NF2: variants seen among roughly 807,000 people sequenced by gnomAD.
NF2 encodes the protein NF2, moesin-ezrin-radixin like (MERLIN) tumor suppressor, also known as merlin.
NF2 carries 8 observed loss-of-function variants against 83.7 expected under a neutral mutation model. The ratio of observed to expected loss-of-function variants is 0.10; its 90% CI spans 0.06 to 0.17. NF2 has a LOEUF of 0.17. Among genes scored for constraint, NF2 ranks in the 10% least tolerant of loss-of-function variants. NF2 has a pLI of 1.00. For synonymous variants in NF2, 266 were observed against 269.6 expected (o/e 0.99, Z 0.13); for missense variants, 533 against 744.4 (o/e 0.72, Z 3.31).
In NF2 at chr22:29,658,402, AAG is replaced by A. The variant is rs2066378841; in HGVS notation, c.675+143_675+144del. 3.6e-6 allele frequency: 3 copies of A among 827,748 alleles called. No individual in the cohort carries two copies. The South Asian group carries it at 4.3e-5, about 12-fold the overall frequency. The allele number at this position is 827,748 out of a possible 1,614,324, so 51.3% of individuals were successfully genotyped here. A position where few individuals can be genotyped will look rare whatever the true frequency, so the allele number is the denominator to read the frequency against. On this transcript the variant is annotated intron_variant, in intron 7 of 15. Transcript: ENST00000338641. Reference sequence around the variant, plus strand: ...GTGGTAAAGAAGGAAAGAGGAAGGAAAGAGAGGTCTTAGTGCCTAACTTTCTA... The same window carrying A: ...GTGGTAAAGAAGGAAAGAGGAAGGAAAGAGGTCTTAGTGCCTAACTTTCTA...
intron 4 of NF2, among the ~76,000 whole-genome samples, chr22:29,652,850 G>T (rs528844700): frequency 1.1e-4 from 17 of 152,114 alleles, no homozygotes; most frequent in African/African-American, 4.1e-4. Context: ...GTACAGTTAC[G>T]ACTTACTGCA....
intron 2 of NF2, among the ~76,000 whole-genome samples, chr22:29,637,382 A>C (rs1222439550): frequency 6.6e-6 from 1 of 152,154 alleles, no homozygotes; most frequent in Non-Finnish European, 1.5e-5. Context: ...TTTTGTCCTC[A>C]GGATTCTCTG....
At chr22:29,649,650 G>A (rs1297873993) in intron 4 of NF2, among the ~76,000 whole-genome samples, 4 of 152,072 alleles carry the variant, frequency 2.6e-5, no homozygotes, top group Admixed American at 6.6e-5. Context: ...GCTGAGGCAC[G>A]AGAATCACTT....
chr22:29,682,430 TG>T (rs2067163098), intron 15 of NF2, among the ~76,000 whole-genome samples: 1 of 152,222 alleles, frequency 6.6e-6, no homozygotes, highest in African/African-American at 2.4e-5. Flanking sequence ...GTGGTTAAGC[TG>T]TATCTGAAAA....
intron 12 of NF2, among the ~76,000 whole-genome samples, chr22:29,673,980 T>A (rs758365428): frequency 6.6e-6 from 1 of 152,188 alleles, no homozygotes; most frequent in Non-Finnish European, 1.5e-5. Context: ...TCTCTGTGAC[T>A]GGGATGTCCC....
chr22:29,644,419 C>G (rs35022623), intron 4 of NF2, among the ~76,000 whole-genome samples: 1 of 148,802 alleles, frequency 6.7e-6, no homozygotes, highest in Non-Finnish European at 1.5e-5. Flanking sequence ...TGGGCAGAGA[C>G]GCTCCTCACT....
At chr22:29,693,427 T>G (rs2067458047) in intron 15 of NF2, among the ~76,000 whole-genome samples, 1 of 152,246 alleles carries the variant, frequency 6.6e-6, no homozygotes, top group African/African-American at 2.4e-5. Flanking sequence ...TCAAGCTGTC[T>G]CATTCTGAGC....
Position 29,678,250 on chromosome 22 carries a change from A to G in NF2, c.1501A>G (p.Ile501Val), listed in dbSNP as rs1315864916. The change falls in exon 14 of 16, where the codon ATT (isoleucine) becomes GTT (valine). Residue 501 changes from isoleucine (I) to valine (V), a missense_variant. Ile to Val is a conservative substitution (Grantham distance 29, BLOSUM62 3). Coordinates refer to ENST00000338641, the MANE Select transcript of NF2 (RefSeq NM_000268.4). ...LPPDIPSFNL[I>V]GDSLSFDFKD... Reference sequence around the variant, plus strand: ...TCCTGACATACCAAGCTTCAACCTCATTGGTGACAGCCTGTCTTTCGACTT... The same window carrying G: ...TCCTGACATACCAAGCTTCAACCTCGTTGGTGACAGCCTGTCTTTCGACTT... The G allele has an allele frequency of 6.2e-7, 1 of 1,611,952 alleles. No individual in the cohort carries two copies. The highest frequency in any genetic ancestry group is 1.7e-5 in the Admixed American group (1 of 60,010).
chr22:29,692,124 C>A (rs2067422011), intron 15 of NF2, among the ~76,000 whole-genome samples: 1 of 152,144 alleles, frequency 6.6e-6, no homozygotes, highest in Admixed American at 6.5e-5. Flanking sequence ...GCTCCCAGGG[C>A]CCTCGGGCAG....
rs190657893 is a variant in NF2, at chr22:29,611,705, C to A, written c.114+7593C>A. On this transcript the variant is annotated intron_variant, in intron 1 of 15. Transcript: ENST00000338641. The stretch of plus-strand genomic sequence containing the variant: ...TGGAAGGGAACAAGTAAGATCATCT[C>A]TGCAGATGACATGATCTTGCATATA... Among the ~76,000 whole-genome samples the A allele has an allele frequency of 1.1e-3, 173 of 152,310 alleles. 4 individuals are homozygous for A. Among genetic ancestry groups the A allele is most frequent in the Middle Eastern group, 3.4e-3 (1 of 294 alleles).
At chr22:29,640,134 G>A (rs2065766004) in intron 3 of NF2, among the ~76,000 whole-genome samples, 1 of 144,272 alleles carries the variant, frequency 6.9e-6, no homozygotes, top group Admixed American at 7.1e-5. Context: ...GGCGGAGGTT[G>A]CAGTGAGCCA....
intron 7 of NF2, 61 bp from the exon 8 acceptor site, chr22:29,661,144 G>A (rs1478091071): frequency 6.2e-6 from 10 of 1,612,162 alleles, no homozygotes; most frequent in South Asian, 1.1e-5. Flanking sequence ...TCTTTGGAAG[G>A]TTGAATAAAA....
intron 13 of NF2, among the ~76,000 whole-genome samples, chr22:29,677,642 A>G (rs2067005967): frequency 6.6e-6 from 1 of 151,788 alleles, no homozygotes; most frequent in South Asian, 2.1e-4. Context: ...TGCATGGCAG[A>G]CTCCTGGCAC....
intron 14 of NF2, among the ~76,000 whole-genome samples, chr22:29,679,417 C>T (rs912437373): frequency 7.9e-5 from 12 of 152,238 alleles, no homozygotes; most frequent in African/African-American, 2.9e-4. Context: ...TTCCTTTCAC[C>T]ATTATCCAGA....
In NF2 at chr22:29,636,844, G is replaced by T. The variant is rs559558673; in HGVS notation, c.208G>T (p.Asp70Tyr). The change falls in exon 2 of 16, where the codon GAC (aspartate) becomes TAC (tyrosine). Residue 70 changes from aspartate (D) to tyrosine (Y), a missense_variant. Asp to Tyr is a radical substitution (Grantham distance 160). This residue lies in a region of NF2 where 326 missense variants were observed against 475.1 expected (regional missense o/e 0.69). Coordinates refer to ENST00000338641, the MANE Select transcript of NF2 (RefSeq NM_000268.4). The surrounding 1 kb of genome is among the most constrained non-coding windows in gnomAD (Gnocchi z 4.4). ...CTTTGGACTGCAGTACACAATCAAG[G>T]ACACAGTGGCCTGGCTCAAAATGGA... ...WFFGLQYTIK[D>Y]TVAWLKMDKK... 6.2e-7 allele frequency: 1 copy of T among 1,614,174 alleles called. No individual in the cohort carries two copies. The highest frequency in any genetic ancestry group is 1.1e-5 in the South Asian group (1 of 91,078).
intron 4 of NF2, among the ~76,000 whole-genome samples, chr22:29,647,603 C>G (rs1402455884): frequency 6.6e-6 from 1 of 152,142 alleles, no homozygotes; most frequent in Non-Finnish European, 1.5e-5. Flanking sequence ...TGGGGGCTGA[C>G]TGATTTAAAA....
intron 1 of NF2, among the ~76,000 whole-genome samples, chr22:29,624,853 CTTTCTTTCTTTCTT>C (rs2065315121): frequency 1.4e-5 from 2 of 138,928 alleles, no homozygotes; most frequent in Admixed American, 7.2e-5. Context: ...TTCTTTCTTT[CTTTCTTTCTTTCTT>C]TCTCTTTCTC....
At position 29,694,908 on chromosome 22, in the gene NF2, C is replaced by A; in HGVS notation, c.*106C>A. The A allele has an allele frequency of 8.3e-7, 1 of 1,205,054 alleles. No homozygotes were observed. The highest frequency in any genetic ancestry group is 1.2e-6 in the Non-Finnish European group (1 of 833,092). 74.6% of individuals were successfully genotyped at this position (1,205,054 alleles called of 1,614,324 possible). On this transcript the variant is annotated 3_prime_UTR_variant, in exon 16 of 16. Coordinates refer to ENST00000338641, the MANE Select transcript of NF2 (RefSeq NM_000268.4). This position sits in a 1 kb window ranked among gnomAD's most constrained non-coding sequence, Gnocchi z 4.1. ...CCATAGGGAGCTGGCTGGGGGTTTC[C>A]GTGGGAGCTCCAGAACTTTCCCCAG...
chr22:29,675,456 C>G (rs1321768057), intron 13 of NF2, among the ~76,000 whole-genome samples: 1 of 151,184 alleles, frequency 6.6e-6, no homozygotes, highest in Non-Finnish European at 1.5e-5. Context: ...TCCTTCCTTT[C>G]TTCTGTGCAT....
Sources: gnomAD v4.1 joint callset for allele counts (sites outside exome capture counted in the v4.1 genomes callset) on GRCh38, gnomAD v4.1.1 for gene constraint, gnomAD v4.1.1 regional missense constraint, Gnocchi (gnomAD v3.1) non-coding constraint, MANE v1.5 for transcripts, NCBI Gene and HGNC (gene_info 2026-07-23, HGNC 2026-07-21) for gene names.